Variants in CTNNA3 observed in about 807,000 individuals in gnomAD.
The protein encoded by CTNNA3 is catenin alpha-3.
Under a neutral mutation model 95.7 loss-of-function variants are expected in CTNNA3, and 76 were observed. The observed-to-expected ratio is 0.79, with a 90% CI of 0.66 to 0.96. The LOEUF (loss-of-function observed/expected upper bound fraction) is 0.96, where lower values mean the gene tolerates loss of function less well. Ranked by LOEUF, CTNNA3 falls within the 40% of genes least tolerant of loss-of-function variation. The pLI, the probability that CTNNA3 is intolerant of heterozygous loss-of-function variation, is 0.00. For missense variants in CTNNA3, 1,191 were observed against 1,089.8 expected (o/e 1.09, Z -1.31); for synonymous variants, 431 against 374.4 (o/e 1.15, Z -1.74).
rs2077021632 is a variant in CTNNA3 at position 65,917,475 on chromosome 10, T to G, written c.*2855A>C. The stretch of plus-strand genomic sequence containing the variant: ...ATTATTATTTCGTTTTTTTTTAAAT[T>G]TTCATTCTAATTCCAGTCTAACATC... On this transcript the variant is annotated 3_prime_UTR_variant, in exon 18 of 18. Coordinates refer to ENST00000433211, the MANE Select transcript of CTNNA3 (RefSeq NM_013266.4). 1.5e-5 allele frequency: 2 copies of G among 130,670 alleles called. No homozygotes were observed. The highest frequency in any genetic ancestry group is 7.8e-5 in the Admixed American group (1 of 12,742). 8.1% of individuals were successfully genotyped at this position (130,670 alleles called of 1,614,324 possible).
intron 10 of CTNNA3, among the ~76,000 whole-genome samples, chr10:66,614,919 A>AT (rs1419533190): frequency 6.6e-6 from 1 of 151,954 alleles, no homozygotes; most frequent in Non-Finnish European, 1.5e-5. Flanking sequence ...TTTCATCATG[A>AT]TTTTTGTTAA....
At chr10:66,266,151 G>T (rs1296643047) in intron 13 of CTNNA3, among the ~76,000 whole-genome samples, 1 of 150,908 alleles carries the variant, frequency 6.6e-6, no homozygotes, top group Admixed American at 6.6e-5. Context: ...AAAGAAGGAA[G>T]GAAGGAAAGA....
At chr10:66,751,243 G>A (rs1446466288) in intron 9 of CTNNA3, among the ~76,000 whole-genome samples, 1 of 152,094 alleles carries the variant, frequency 6.6e-6, no homozygotes, top group African/African-American at 2.4e-5. Context: ...ACTGCAACCT[G>A]GGTGACAGAG....
intron 7 of CTNNA3, among the ~76,000 whole-genome samples, chr10:67,096,283 A>T (rs1293668895): frequency 6.6e-6 from 1 of 151,894 alleles, no homozygotes; most frequent in African/African-American, 2.4e-5. Context: ...GTAGAAATAC[A>T]TGTAAGTAGA....
rs559320602 is a variant in CTNNA3, at chr10:66,007,809, C to G, written c.2160-19012G>C. Among the ~76,000 whole-genome samples the G allele has an allele frequency of 6.7e-5, 9 of 133,968 alleles. 1 individual carries two copies. Among genetic ancestry groups the G allele is most frequent in the African/African-American group, 2.5e-4 (9 of 36,304 alleles). 87.9% of individuals were successfully genotyped at this position (133,968 alleles called of 152,430 possible). On this transcript the variant is annotated intron_variant, in intron 15 of 17. Transcript: ENST00000433211. ...TCCCTTCCTCCCTTCCTTCCTCCCT[C>G]GCTCCCTCCCTTTCTTCCTTCCTTT...
intron 13 of CTNNA3, among the ~76,000 whole-genome samples, chr10:66,268,282 C>T (rs2091202631): frequency 6.6e-6 from 1 of 152,098 alleles, no homozygotes; most frequent in African/African-American, 2.4e-5. Flanking sequence ...AGGCTTTTAA[C>T]TTGCTTGTAA....
chr10:66,466,092 A>C (rs1198447187), intron 11 of CTNNA3, among the ~76,000 whole-genome samples: 2 of 152,140 alleles, frequency 1.3e-5, no homozygotes, highest in East Asian at 3.9e-4. Flanking sequence ...GATGTGAATG[A>C]GCCTCATCCA....
intron 5 of CTNNA3, among the ~76,000 whole-genome samples, chr10:67,483,427 C>G (rs565985750): frequency 6.7e-6 from 1 of 149,018 alleles, no homozygotes; most frequent in Non-Finnish European, 1.5e-5. Flanking sequence ...CCATGGAATA[C>G]TATGCAGCCA....
chr10:66,913,421 T>C (rs1489358187), intron 7 of CTNNA3, among the ~76,000 whole-genome samples: 1 of 152,106 alleles, frequency 6.6e-6, no homozygotes, highest in African/African-American at 2.4e-5. Context: ...TCTTAATTCA[T>C]ACGGCATCCT....
intron 5 of CTNNA3, among the ~76,000 whole-genome samples, chr10:67,399,474 A>C (rs1390041005): frequency 6.6e-6 from 1 of 152,222 alleles, no homozygotes; most frequent in African/African-American, 2.4e-5. Context: ...AGTCATTGAC[A>C]ACACTCCATG....
At chr10:67,241,164 CA>C (rs1865705254) in intron 5 of CTNNA3, among the ~76,000 whole-genome samples, 1 of 151,388 alleles carries the variant, frequency 6.6e-6, no homozygotes, top group Non-Finnish European at 1.5e-5. Flanking sequence ...CTCATGCCTA[CA>C]ATCCCAGCAC....
chr10:66,281,347 A>AAC (rs907602284), intron 12 of CTNNA3, among the ~76,000 whole-genome samples: 1 of 151,940 alleles, frequency 6.6e-6, no homozygotes, highest in Non-Finnish European at 1.5e-5. Context: ...TAATGATATT[A>AAC]ACAGTTATTA....
At chr10:66,449,906 A>G (rs2093451147) in intron 11 of CTNNA3, among the ~76,000 whole-genome samples, 1 of 152,170 alleles carries the variant, frequency 6.6e-6, no homozygotes, top group South Asian at 2.1e-4. Flanking sequence ...AATGGGTTTC[A>G]TTTATCAATA....
intron 5 of CTNNA3, among the ~76,000 whole-genome samples, chr10:67,233,195 C>A (rs904606751): frequency 1.3e-5 from 2 of 152,182 alleles, no homozygotes; most frequent in Non-Finnish European, 2.9e-5. Context: ...CACCCCAAAT[C>A]GACAGAATAT....
chr10:67,729,428 T>C (rs968661910), intron 1 of CTNNA3, among the ~76,000 whole-genome samples: 11 of 152,156 alleles, frequency 7.2e-5, no homozygotes, highest in Non-Finnish European at 1.5e-4. Flanking sequence ...TACCATTACA[T>C]TTCTAAACAT....
chr10:67,737,764 G>A (rs1841310803), intron 1 of CTNNA3, among the ~76,000 whole-genome samples: 1 of 152,196 alleles, frequency 6.6e-6, no homozygotes, highest in Admixed American at 6.5e-5. Flanking sequence ...AACAGGTGCT[G>A]GAGAGGATGT....
intron 6 of CTNNA3, among the ~76,000 whole-genome samples, chr10:67,199,232 C>CA (rs1863521464): frequency 6.6e-6 from 1 of 152,156 alleles, no homozygotes; most frequent in Admixed American, 6.6e-5. Flanking sequence ...TTCTGTGTTT[C>CA]ATGATTCAAG....
chr10:67,613,621 C>CT (rs1158645821), intron 2 of CTNNA3, among the ~76,000 whole-genome samples: 1 of 147,774 alleles, frequency 6.8e-6, no homozygotes, highest in Non-Finnish European at 1.5e-5. Flanking sequence ...TATATCCAGT[C>CT]TTTTTTTGCC....
chr10:66,707,399 A>ATT (rs113734614), intron 9 of CTNNA3, among the ~76,000 whole-genome samples: 8 of 149,484 alleles, frequency 5.4e-5, no homozygotes, highest in African/African-American at 2.0e-4. Context: ...TTACATTTTA[A>ATT]TTTTTTTTTT....
Sources: gnomAD v4.1 joint callset for allele counts (sites outside exome capture counted in the v4.1 genomes callset) on GRCh38, gnomAD v4.1.1 for gene constraint, MANE v1.5 for transcripts, NCBI Gene and HGNC (gene_info 2026-07-23, HGNC 2026-07-21) for gene names.